Variants in MS4A14 observed in about 807,000 individuals in gnomAD.
MS4A14 encodes membrane spanning 4-domains A14.
A neutral mutation model predicts 16.7 loss-of-function variants in MS4A14; 18 were observed. The ratio of observed to expected loss-of-function variants is 1.08; its 90% confidence interval spans 0.75 to 1.60. MS4A14 has a LOEUF of 1.60. Among genes scored for constraint, MS4A14 ranks in the 40% most tolerant of loss-of-function variants. The pLI, the probability that MS4A14 is intolerant of heterozygous loss-of-function variation, is 0.00. For synonymous variants in MS4A14, 305 were observed against 289.4 expected (o/e 1.05, Z -0.55); for missense variants, 812 against 775.3 (o/e 1.05, Z -0.56).
In MS4A14 at chr11:60,416,945, C is replaced by A. The variant is rs1422938215; in HGVS notation, c.1977C>A (p.Gly659=). The change falls in exon 5 of 5, where the codon GGC becomes GGA. Residue 659 remains glycine, a synonymous_variant. Coordinates refer to ENST00000300187, the MANE Select transcript of MS4A14 (RefSeq NM_032597.5). ...ACCAATTCTGGCAATTCCACAAAGG[C>A]AATCTCCAGGCTGGACAACCCAGGA... ...QQYQFWQFHK[G]NLQAGQPRTV... 1 of 1,613,584 alleles carries A rather than the reference C, an allele frequency of 6.2e-7. No homozygotes were observed. Among genetic ancestry groups the A allele is most frequent in the African/African-American group, 1.3e-5 (1 of 74,900 alleles).
intron 4 of MS4A14, chr11:60,406,005 TTAA>T: frequency 1.4e-6 from 2 of 1,414,588 alleles, no homozygotes; most frequent in Non-Finnish European, 1.9e-6. Flanking sequence ...CTGATGTCTC[TTAA>T]TATTATTAAG....
In MS4A14 at chr11:60,416,408, A is replaced by G. The variant is rs761212380; in HGVS notation, c.1440A>G (p.Arg480=). The change falls in exon 5 of 5, where the codon AGA becomes AGG. Residue 480 remains arginine (R), a synonymous_variant. Coordinates refer to ENST00000300187, the MANE Select transcript of MS4A14 (RefSeq NM_032597.5). The part of the protein sequence containing the change: ...EWKSEEELHR[R]KSSRRHSLNQ... ...AATCTGAGGAGGAACTCCATAGAAG[A>G]AAATCCTCAAGACGGCATTCCTTAA... The G allele has an allele frequency of 6.2e-7, 1 of 1,614,010 alleles. No homozygotes were observed. The highest frequency in any genetic ancestry group is 2.2e-5 in the East Asian group (1 of 44,876).
chr11:60,397,886 G>A lies in MS4A14; in HGVS notation c.173G>A (p.Gly58Asp). ...TQILLALIIVGFGTIFALNYI... is the reference protein window; with the variant it reads ...TQILLALIIVDFGTIFALNYI... The stretch of plus-strand genomic sequence containing the variant: ...ATCCTGCTTGCTCTAATCATTGTGG[G>A]CTTTGGAACTATATTTGCACTTAAT... Residue 58 changes from glycine (G) to aspartate (D), a missense_variant, in exon 2 of 5, where the codon GGC (glycine) becomes GAC (aspartate). By Grantham distance (94) the Gly-to-Asp change is moderately conservative. Coordinates refer to ENST00000300187, the MANE Select transcript of MS4A14 (RefSeq NM_032597.5). 1 of 1,612,958 alleles carries A rather than the reference G, an allele frequency of 6.2e-7. No homozygotes were observed. Among genetic ancestry groups the A allele is most frequent in the South Asian group, 1.1e-5 (1 of 91,066 alleles).
rs1210920612 is a variant in MS4A14 at position 60,417,584 on chromosome 11, G to T, written c.*576G>T. The T allele has an allele frequency of 6.6e-6, 1 of 152,138 alleles. No homozygotes were observed. Among genetic ancestry groups the T allele is most frequent in the Non-Finnish European group, 1.5e-5 (1 of 68,050 alleles). 9.4% of individuals were successfully genotyped at this position (152,138 alleles called of 1,614,324 possible). A position where few individuals can be genotyped will look rare whatever the true frequency, so the allele number is the denominator to read the frequency against. On this transcript the variant is annotated 3_prime_UTR_variant, in exon 5 of 5. Coordinates refer to ENST00000300187, the MANE Select transcript of MS4A14 (RefSeq NM_032597.5). The stretch of plus-strand genomic sequence containing the variant: ...AACAATATTGCCTCCTCCAATCTGT[G>T]TTCTCAACTGTGGTTGCCACCTCAT...
chr11:60,399,421 TA>T (rs1297048588), intron 2 of MS4A14, among the ~76,000 whole-genome samples: 1 of 152,224 alleles, frequency 6.6e-6, no homozygotes, highest in East Asian at 1.9e-4. Flanking sequence ...CGTGATGGCA[TA>T]AAATGAGGCT....
intron 4 of MS4A14, among the ~76,000 whole-genome samples, chr11:60,406,186 T>C (rs1272890872): frequency 1.3e-5 from 2 of 152,212 alleles, no homozygotes; most frequent in Non-Finnish European, 2.9e-5. Flanking sequence ...AACTATGCTT[T>C]CCTTTCTTGT....
In MS4A14 at chr11:60,415,450, T is replaced by A. The variant is rs1219470175; in HGVS notation, c.482T>A (p.Leu161Ter). 6.2e-7 allele frequency: 1 copy of A among 1,603,240 alleles called. No homozygotes were observed. Among genetic ancestry groups the A allele is most frequent in the South Asian group, 1.1e-5 (1 of 88,820 alleles). ...SRTLFIVLFF[L>*]PSDVTQNSEQ... ...TTGCTTTTATAGGTTCTGTTTTTCT[T>A]GCCTTCGGATGTTACTCAAAATAGT... Residue 161 changes from leucine (L) to a stop codon, truncating the protein, a stop_gained, in exon 5 of 5, where the codon TTG (leucine) becomes TAG (stop). Transcript: ENST00000300187. LOFTEE classifies it low-confidence loss of function (END_TRUNC).
intron 2 of MS4A14, 76 bp downstream of exon 2, chr11:60,398,056 T>C: frequency 6.6e-7 from 1 of 1,521,754 alleles, no homozygotes; most frequent in South Asian, 1.2e-5. Context: ...CCTAGGGTAA[T>C]GAATTCCATA....
At chr11:60,412,950 G>C (rs1378565933) in intron 4 of MS4A14, among the ~76,000 whole-genome samples, 1 of 151,774 alleles carries the variant, frequency 6.6e-6, no homozygotes, top group Non-Finnish European at 1.5e-5. Flanking sequence ...TTACTTCTTA[G>C]TAATATGTAG....
chr11:60,408,650 T>C (rs186585383), intron 4 of MS4A14, among the ~76,000 whole-genome samples: 41 of 152,362 alleles, frequency 2.7e-4, no homozygotes, highest in Admixed American at 2.6e-3. Flanking sequence ...ATTCCTTCTA[T>C]GACTAAATAA....
chr11:60,397,927 CA>C lies in MS4A14; in HGVS notation c.217del (p.Arg73AspfsTer26). 6.2e-6 allele frequency: 10 copies of C among 1,613,538 alleles called. No homozygotes were observed. Among genetic ancestry groups the C allele is most frequent in the Non-Finnish European group, 8.5e-6 (10 of 1,179,570 alleles). ...TGCACTTAATTACATCGGTTTCTCC[CA>C]AAGACTTCCCCTTGTTGTCCTCACA... ...IFALNYIGFS[Q>X]RLPLVVLTGY... On this transcript the variant is annotated frameshift_variant, in exon 2 of 5. Transcript: ENST00000300187. LOFTEE classifies it high-confidence loss of function.
chr11:60,406,469 C>T (rs1277660278), intron 4 of MS4A14, among the ~76,000 whole-genome samples: 1 of 152,112 alleles, frequency 6.6e-6, no homozygotes, highest in Non-Finnish European at 1.5e-5. Context: ...CACTGAGCAC[C>T]AACTTAATCT....
At chr11:60,405,576 T>C (rs2085775361) in intron 4 of MS4A14, among the ~76,000 whole-genome samples, 1 of 152,232 alleles carries the variant, frequency 6.6e-6, no homozygotes, top group Non-Finnish European at 1.5e-5. Flanking sequence ...ATAGGCATTA[T>C]GGTATCCATG....
At position 60,415,974 on chromosome 11, in the gene MS4A14, CCATCTAAGTCTACATCATCCCATGT is replaced by C. The variant is rs1565180926; in HGVS notation, c.1009_1033del (p.Ser337AsnfsTer6). The stretch of plus-strand genomic sequence containing the variant: ...AGAAGGCCTGTCAGAACAAACCATG[CCATCTAAGTCTACATCATCCCATGT>C]CAAACAGTCTTCTAATCTGACAGCT... On this transcript the variant is annotated frameshift_variant, in exon 5 of 5. Transcript: ENST00000300187. LOFTEE classifies it low-confidence loss of function (END_TRUNC). The C allele has an allele frequency of 6.2e-7, 1 of 1,613,898 alleles. No individual in the cohort carries two copies. Among genetic ancestry groups the C allele is most frequent in the Admixed American group, 1.7e-5 (1 of 59,956 alleles).
At chr11:60,405,714 C>T (rs1204941909) in intron 4 of MS4A14, among the ~76,000 whole-genome samples, 1 of 152,162 alleles carries the variant, frequency 6.6e-6, no homozygotes, top group Admixed American at 6.5e-5. Context: ...AGTTTGTTAT[C>T]CCTGCCTCAT....
chr11:60,417,717 T>C lies in MS4A14; in HGVS notation c.*709T>C, dbSNP rs1322249512. 6.6e-6 allele frequency: 1 copy of C among 152,228 alleles called. No homozygotes were observed. Among genetic ancestry groups the C allele is most frequent in the East Asian group, 1.9e-4 (1 of 5,200 alleles). 9.4% of individuals were successfully genotyped at this position (152,228 alleles called of 1,614,324 possible). On this transcript the variant is annotated 3_prime_UTR_variant, in exon 5 of 5. Transcript: ENST00000300187. ...TAACACTGTATCATCACTTTATGTATGTGAAGAAATAATTCACATGTATAT... is the reference window on the plus strand; with the variant it reads ...TAACACTGTATCATCACTTTATGTACGTGAAGAAATAATTCACATGTATAT...
At chr11:60,399,614 C>T (rs1003502012) in intron 2 of MS4A14, among the ~76,000 whole-genome samples, 2 of 151,984 alleles carry the variant, frequency 1.3e-5, no homozygotes, top group African/African-American at 4.8e-5. Context: ...AACAGTAAAC[C>T]TAGGAGAATC....
Position 60,415,662 on chromosome 11 carries a change from G to T in MS4A14, c.694G>T (p.Glu232Ter). Reference sequence around the variant, plus strand: ...TAAAGGTAGAGAATTTGTGCCAGATGAACAAAAGCAAAGTATCCTTCCATC... The same window carrying T: ...TAAAGGTAGAGAATTTGTGCCAGATTAACAAAAGCAAAGTATCCTTCCATC... ...GNKGREFVPD[E>*]QKQSILPSPK... The change falls in exon 5 of 5, where the codon GAA becomes TAA. Residue 232 changes from glutamate to a stop codon, truncating the protein, a stop_gained. Coordinates refer to ENST00000300187, the MANE Select transcript of MS4A14 (RefSeq NM_032597.5). LOFTEE classifies it low-confidence loss of function (END_TRUNC). The T allele has an allele frequency of 6.2e-7, 1 of 1,613,868 alleles. No homozygotes were observed. Among genetic ancestry groups the T allele is most frequent in the Non-Finnish European group, 8.5e-7 (1 of 1,179,878 alleles).
rs774657484 is a variant in MS4A14, at chr11:60,415,623, T to C, written c.655T>C (p.Ser219Pro). 2.5e-6 allele frequency: 4 copies of C among 1,613,814 alleles called. No homozygotes were observed. In the East Asian group the frequency reaches 8.9e-5, roughly 36 times the overall value. ...KLTLSRSPLV[S>P]QPGNKGREFV... is the part of the protein sequence containing the mutation. Reference sequence around the variant, plus strand: ...AACACTCTCTAGGAGTCCTTTAGTCTCCCAACCAGGTAATAAAGGTAGAGA... The same window carrying C: ...AACACTCTCTAGGAGTCCTTTAGTCCCCCAACCAGGTAATAAAGGTAGAGA... Residue 219 changes from serine to proline, a missense_variant, in exon 5 of 5, where the codon TCC becomes CCC. Transcript: ENST00000300187.
Sources: allele counts gnomAD v4.1 joint callset (sites outside exome capture counted in the v4.1 genomes callset), GRCh38; gene constraint gnomAD v4.1.1; transcripts MANE v1.5; gene names NCBI Gene and HGNC (gene_info 2026-07-23, HGNC 2026-07-21).